PDIA6: variants seen among roughly 807,000 people sequenced by gnomAD.
PDIA6 encodes protein disulfide-isomerase A6.
A neutral mutation model predicts 58.4 loss-of-function variants in PDIA6; 29 were observed. The ratio of observed to expected loss-of-function variants is 0.50; its 90% CI spans 0.37 to 0.68. PDIA6 has a LOEUF of 0.68. Ranked by LOEUF, PDIA6 falls within the 30% of genes least tolerant of loss-of-function variation. The pLI, the probability that PDIA6 is intolerant of heterozygous loss-of-function variation, is 0.00. For missense variants in PDIA6, 480 were observed against 551.0 expected (o/e 0.87, Z 1.29); for synonymous variants, 192 against 202.6 (o/e 0.95, Z 0.44).
upstream of PDIA6, chr2:10,812,818 C>T: frequency 3.4e-6 from 4 of 1,186,298 alleles, no homozygotes; most frequent in South Asian, 1.2e-4. Flanking sequence ...CGAGGGGCGG[C>T]CGCGCGGGGG....
chr2:10,792,057 G>A lies in PDIA6; in HGVS notation c.454-132C>T, dbSNP rs113010880. ...CTTTAGTGAATAAAATAGTGAAAAC[G>A]GTTGTATTCAAATTGGGTACATTCC... is the stretch of plus-strand genomic sequence containing the variant. On this transcript the variant is annotated intron_variant, in intron 5 of 12. Transcript: ENST00000272227. 177 of 967,880 alleles carry A rather than the reference G, an allele frequency of 1.8e-4. 1 individual carries two copies. In the Middle Eastern group the frequency reaches 2.3e-3, roughly 12 times the overall value. The allele number at this position is 967,880 out of a possible 1,614,324, so 60.0% of individuals were successfully genotyped here. A position where few individuals can be genotyped will look rare whatever the true frequency, so the allele number is the denominator to read the frequency against.
At chr2:10,818,488 T>TATATA (rs1558460317) in intron 2 of PDIA6, among the ~76,000 whole-genome samples, 9 of 94,970 alleles carry the variant, frequency 9.5e-5, no homozygotes, top group Non-Finnish European at 1.5e-4. Flanking sequence ...TTTAATTTAT[T>TATATA]TATTTATTTA....
At chr2:10,832,325 G>A (rs1029114133) in exon 1 of PDIA6, 2 of 749,870 alleles carry the variant, frequency 2.7e-6, no homozygotes, top group South Asian at 1.2e-4. Context: ...ATTGTGTTCT[G>A]CTCACACAGT....
chr2:10,819,206 G>T, intron 2 of PDIA6: 3 of 901,688 alleles, frequency 3.3e-6, no homozygotes, highest in South Asian at 1.5e-5. Flanking sequence ...TGGACACTTG[G>T]GTTGTTTTCA....
chr2:10,806,628 C>CAAAGAAAAGAA (rs142782761), intron 1 of PDIA6, among the ~76,000 whole-genome samples: 1 of 70,366 alleles, frequency 1.4e-5, no homozygotes, highest in South Asian at 5.2e-4. Flanking sequence ...AAAATAAAGA[C>CAAAGAAAAGAA]AGAAAGAAAG....
upstream of PDIA6, among the ~76,000 whole-genome samples, chr2:10,813,567 C>T (rs1381981297): frequency 6.6e-6 from 1 of 152,232 alleles, no homozygotes; most frequent in East Asian, 1.9e-4. Flanking sequence ...CTGCAGTGAG[C>T]CTCCTGCCTC....
intron 7 of PDIA6, among the ~76,000 whole-genome samples, 193 bp from the exon 8 acceptor site, chr2:10,790,082 A>G (rs1734415): frequency 0.49 from 73,943 of 151,198 alleles, 19,596 homozygotes; most frequent in Middle Eastern, 0.59. Flanking sequence ...GGGTTCAAGC[A>G]ATTCTCCTAC....
chr2:10,837,441 GA>G (rs1667850888), upstream of PDIA6: 7 of 654,054 alleles, frequency 1.1e-5, no homozygotes, highest in East Asian at 5.5e-5. Flanking sequence ...ATGAGGGGGA[GA>G]AAAAAATAAG....
chr2:10,812,358 C>A (rs966507989), intron 1 of PDIA6, among the ~76,000 whole-genome samples: 1 of 151,964 alleles, frequency 6.6e-6, no homozygotes, highest in East Asian at 1.9e-4. Flanking sequence ...GAATACAGAC[C>A]CCCTCCCCGG....
upstream of PDIA6, chr2:10,812,876 G>A (rs1002165026): frequency 9.7e-5 from 111 of 1,149,782 alleles, no homozygotes; most frequent in African/African-American, 1.6e-3. Context: ...CATTGGTCCG[G>A]GCGGACATCG....
At chr2:10,784,501 C>A in intron 12 of PDIA6, 175 bp from the exon 13 acceptor site, 1 of 557,390 alleles carries the variant, frequency 1.8e-6, no homozygotes, top group Non-Finnish European at 3.1e-6. Context: ...TGGAAAAGCT[C>A]AGAACTCAGG....
Position 10,820,661 on chromosome 2 carries a change from C to T in PDIA6, c.-47-1307G>A, listed in dbSNP as rs572684351. ...TTTTTTGTTAGAAGGGAAGTTCTGT[C>T]GAGGACTCTTTTGTCCTCACTATCT... On this transcript the variant is annotated intron_variant, in intron 1 of 13. Coordinates refer to the PDIA6 transcript ENST00000381611. 1.8e-5 allele frequency: 11 copies of T among 615,180 alleles called. 1 individual carries two copies. The highest frequency in any genetic ancestry group is 5.6e-5 in the East Asian group (2 of 35,484). The allele number at this position is 615,180 out of a possible 1,614,324, so 38.1% of individuals were successfully genotyped here. A position where few individuals can be genotyped will look rare whatever the true frequency, so the allele number is the denominator to read the frequency against.
intron 11 of PDIA6, among the ~76,000 whole-genome samples, chr2:10,786,185 T>C (rs1162828031): frequency 2.0e-5 from 3 of 151,832 alleles, no homozygotes; most frequent in African/African-American, 7.3e-5. Flanking sequence ...TAGCTGGGCG[T>C]GGTGGCAGGC....
At chr2:10,822,293 C>T (rs978477813) in intron 1 of PDIA6, among the ~76,000 whole-genome samples, 5 of 148,416 alleles carry the variant, frequency 3.4e-5, no homozygotes, top group East Asian at 2.0e-4. Context: ...GACAGAGTCT[C>T]GCTGTGTTGC....
rs11489 is a variant in PDIA6, at chr2:10,783,455, C to T, written c.*803G>A. 58,312 of 490,938 alleles carry T rather than the reference C, an allele frequency of 0.12. 5,370 individuals carry two copies. Among genetic ancestry groups the T allele is most frequent in the African/African-American group, 0.35 (17,599 of 50,966 alleles). 30.4% of individuals were successfully genotyped at this position (490,938 alleles called of 1,614,324 possible). Reference sequence around the variant, plus strand: ...ATGCTCTCAAGTCCTTTGAATGTTCCAACAAATTCAAAACTTCATTTTCTG... The same window carrying T: ...ATGCTCTCAAGTCCTTTGAATGTTCTAACAAATTCAAAACTTCATTTTCTG... On this transcript the variant is annotated 3_prime_UTR_variant, in exon 13 of 13. Transcript: ENST00000272227.
rs539383085 is a variant in PDIA6 at position 10,826,590 on chromosome 2, C to T, written c.-48+5612G>A. Among the ~76,000 whole-genome samples, 194 of 152,222 alleles carry T rather than the reference C, an allele frequency of 1.3e-3. 1 individual carries two copies. The highest frequency in any genetic ancestry group is 6.8e-3 in the Middle Eastern group (2 of 294). ...GGCCAGGCTGGTCTCAAACCCCTGA[C>T]CTCAGGTGATCTGCTTGCCTCAGCC... On this transcript the variant is annotated intron_variant, in intron 1 of 13. Transcript: ENST00000381611.
intron 1 of PDIA6, among the ~76,000 whole-genome samples, chr2:10,826,900 C>A (rs984292670): frequency 6.6e-6 from 1 of 152,204 alleles, no homozygotes; most frequent in African/African-American, 2.4e-5. Flanking sequence ...TGCCTTCGGG[C>A]CTTGGCACGA....
At chr2:10,790,626 C>G (rs1011526337) in intron 7 of PDIA6, 93 bp downstream of exon 7, 1 of 863,122 alleles carries the variant, frequency 1.2e-6, no homozygotes, top group African/African-American at 1.7e-5. Flanking sequence ...TTAAACATCT[C>G]CTTTACTACC....
Position 10,789,811 on chromosome 2 carries a change from C to G in PDIA6, c.778G>C (p.Asp260His). Residue 260 changes from aspartate (D) to histidine (H), a missense_variant, in exon 8 of 13, where the codon GAC becomes CAC. Transcript: ENST00000272227. Reference protein sequence around the residue: ...VDYDGGRTRSDIVSRALDLFS... With the variant: ...VDYDGGRTRSHIVSRALDLFS... ...AAATCAAGGGCCCGGGACACGATGT[C>G]GGATCTTGTCCGCCCACCGTCATAA... is the stretch of plus-strand genomic sequence containing the variant. 6.2e-7 allele frequency: 1 copy of G among 1,613,682 alleles called. No individual in the cohort carries two copies. Among genetic ancestry groups the G allele is most frequent in the Non-Finnish European group, 8.5e-7 (1 of 1,179,764 alleles).
Sources: allele counts gnomAD v4.1 joint callset (sites outside exome capture counted in the v4.1 genomes callset), GRCh38; gene constraint gnomAD v4.1.1; transcripts MANE v1.5; gene names NCBI Gene and HGNC (gene_info 2026-07-23, HGNC 2026-07-21).